The following CCSER1 variants were observed in gnomAD, a reference collection of about 807,000 sequenced individuals.
CCSER1 encodes serine-rich coiled-coil domain-containing protein 1.
CCSER1 carries 41 observed loss-of-function variants against 82.0 expected under a neutral mutation model. The ratio of observed to expected loss-of-function variants is 0.50; its 90% CI spans 0.39 to 0.65. CCSER1 has a LOEUF of 0.65. Ranked by LOEUF, CCSER1 falls within the 30% of genes least tolerant of loss-of-function variation. CCSER1 has a pLI of 0.00. For synonymous variants in CCSER1, 414 were observed against 383.9 expected, an observed-to-expected ratio of 1.08 and a Z score of -0.92; for missense variants, 1,119 against 1,064.2, an observed-to-expected ratio of 1.05 and a Z score of -0.72.
At chr4:91,257,979 A>G (rs1257823924) in intron 10 of CCSER1, among the ~76,000 whole-genome samples, 2 of 152,144 alleles carry the variant, frequency 1.3e-5, no homozygotes, top group Non-Finnish European at 2.9e-5. Flanking sequence ...TAACGACTTC[A>G]CTTTAGTAAG....
intron 3 of CCSER1, among the ~76,000 whole-genome samples, chr4:90,314,616 A>G (rs1735846925): frequency 6.6e-6 from 1 of 151,932 alleles, no homozygotes; most frequent in Non-Finnish European, 1.5e-5. Flanking sequence ...ATTAGCTAGA[A>G]GTGGTTGCAC....
intron 10 of CCSER1, among the ~76,000 whole-genome samples, chr4:91,207,979 G>T (rs982946134): frequency 2.6e-5 from 4 of 151,978 alleles, no homozygotes; most frequent in Admixed American, 2.0e-4. Flanking sequence ...CTAATGATCA[G>T]TGATGTTGTT....
intron 1 of CCSER1, among the ~76,000 whole-genome samples, chr4:90,141,388 A>G (rs1205407362): frequency 6.6e-6 from 1 of 152,260 alleles, no homozygotes; most frequent in Non-Finnish European, 1.5e-5. Context: ...GTTGATACAT[A>G]AAATTAACTA....
At chr4:90,160,356 A>T (rs1055310512) in intron 1 of CCSER1, among the ~76,000 whole-genome samples, 2 of 152,214 alleles carry the variant, frequency 1.3e-5, no homozygotes, top group Admixed American at 6.5e-5. Flanking sequence ...GGCTCTGTTT[A>T]TGAGAGAGAT....
At chr4:90,887,883 AAAAAC>A (rs1371178302) in intron 8 of CCSER1, among the ~76,000 whole-genome samples, 4 of 152,186 alleles carry the variant, frequency 2.6e-5, no homozygotes, top group Non-Finnish European at 5.9e-5. Context: ...TCCATCTCAA[AAAAAC>A]AAAACAAAAC....
intron 9 of CCSER1, among the ~76,000 whole-genome samples, chr4:90,935,052 A>G (rs1344905406): frequency 1.3e-5 from 2 of 152,014 alleles, no homozygotes; most frequent in Non-Finnish European, 2.9e-5. Flanking sequence ...GTGTGTATAT[A>G]TATTATATAT....
At chr4:90,635,033 A>T (rs1363997627) in intron 6 of CCSER1, among the ~76,000 whole-genome samples, 1 of 151,790 alleles carries the variant, frequency 6.6e-6, no homozygotes, top group Non-Finnish European at 1.5e-5. Context: ...CAGCAATCAA[A>T]CATGTGGATG....
At chr4:91,437,697 G>C (rs555625937) in intron 10 of CCSER1, among the ~76,000 whole-genome samples, 2 of 152,198 alleles carry the variant, frequency 1.3e-5, no homozygotes, top group Admixed American at 6.5e-5. Flanking sequence ...CTCAGGAAGC[G>C]CAAGGGGTCA....
At chr4:90,821,808 G>T (rs1235020117) in intron 8 of CCSER1, among the ~76,000 whole-genome samples, 2 of 152,088 alleles carry the variant, frequency 1.3e-5, no homozygotes, top group Admixed American at 1.3e-4. Flanking sequence ...TTATGTTGAA[G>T]AATGCCATGT....
At chr4:91,323,169 A>C (rs1484016471) in intron 10 of CCSER1, among the ~76,000 whole-genome samples, 5 of 152,162 alleles carry the variant, frequency 3.3e-5, no homozygotes, top group Non-Finnish European at 7.4e-5. Flanking sequence ...CTGGAAGGGC[A>C]AGATACCTGG....
intron 7 of CCSER1, among the ~76,000 whole-genome samples, chr4:90,770,493 T>C (rs957334601): frequency 2.0e-5 from 3 of 152,192 alleles, no homozygotes; most frequent in Non-Finnish European, 2.9e-5. Flanking sequence ...AAATAATGAG[T>C]TATTGAACAA....
At chr4:90,429,542 A>G (rs1237881642) in intron 4 of CCSER1, among the ~76,000 whole-genome samples, 1 of 151,910 alleles carries the variant, frequency 6.6e-6, no homozygotes, top group Non-Finnish European at 1.5e-5. Flanking sequence ...ATTATAGAAC[A>G]ATATAGGAAA....
At chr4:91,356,926 G>A (rs987639992) in intron 10 of CCSER1, among the ~76,000 whole-genome samples, 4 of 152,150 alleles carry the variant, frequency 2.6e-5, no homozygotes, top group Admixed American at 2.0e-4. Context: ...GCCCACGCCT[G>A]GTCGACTGAA....
intron 10 of CCSER1, among the ~76,000 whole-genome samples, chr4:91,502,513 T>G (rs1257492005): frequency 1.3e-5 from 2 of 152,166 alleles, no homozygotes; most frequent in South Asian, 2.1e-4. Context: ...GTATTTTAAC[T>G]CATTTAATCA....
At chr4:91,475,922 A>G (rs181039758) in intron 10 of CCSER1, among the ~76,000 whole-genome samples, 1 of 151,936 alleles carries the variant, frequency 6.6e-6, no homozygotes, top group East Asian at 1.9e-4. Context: ...GGCATATTTC[A>G]TGTGACATAA....
At position 91,512,805 on chromosome 4, in the gene CCSER1, T is replaced by C. The variant is rs188419385; in HGVS notation, c.2218-85767T>C. On this transcript the variant is annotated intron_variant, in intron 10 of 10. Transcript: ENST00000509176. ...TAGATATACTACCTATTTTTGTACA[T>C]TGATTTTATATTCTGAAACTTTACT... Among the ~76,000 whole-genome samples the C allele has an allele frequency of 4.5e-4, 68 of 152,318 alleles. No homozygotes were observed. In the East Asian group the frequency reaches 0.012, roughly 28 times the overall value.
intron 4 of CCSER1, among the ~76,000 whole-genome samples, chr4:90,413,987 T>A (rs868034773): frequency 1.7e-3 from 157 of 90,228 alleles, no homozygotes; most frequent in Non-Finnish European, 2.4e-3. Context: ...AAAAAATATA[T>A]ATATATATAT....
intron 10 of CCSER1, among the ~76,000 whole-genome samples, chr4:91,261,411 T>C (rs1391951576): frequency 1.3e-5 from 2 of 152,190 alleles, no homozygotes; most frequent in African/African-American, 4.8e-5. Flanking sequence ...TGATTTTAAA[T>C]CTCCTCATTA....
intron 6 of CCSER1, among the ~76,000 whole-genome samples, chr4:90,700,811 C>A (rs1737930986): frequency 6.6e-6 from 1 of 152,138 alleles, no homozygotes; most frequent in African/African-American, 2.4e-5. Context: ...CTGTTCATAT[C>A]CTTGCCCAAT....
Sources: gnomAD v4.1 joint callset for allele counts (sites outside exome capture counted in the v4.1 genomes callset) on GRCh38, gnomAD v4.1.1 for gene constraint, MANE v1.5 for transcripts, NCBI Gene and HGNC (gene_info 2026-07-23, HGNC 2026-07-21) for gene names.